Variants in SATB2 observed in about 807,000 individuals in gnomAD.
SATB2 encodes the protein SATB homeobox 2.
SATB2 carries 1 observed loss-of-function variant against 73.4 expected under a neutral mutation model. The ratio of observed to expected loss-of-function variants is 0.01; its 90% CI spans 0.00 to 0.06. The LOEUF is 0.06. Among genes scored for constraint, SATB2 ranks in the 10% least tolerant of loss-of-function variants. SATB2 has a pLI of 1.00. For missense variants in SATB2, 459 were observed against 945.8 expected (o/e 0.49, Z 6.75); for synonymous variants, 397 against 367.0 (o/e 1.08, Z -0.93).
chr2:199,469,495 A>G (rs1156703654), upstream of SATB2: 3 of 151,264 alleles, frequency 2.0e-5, no homozygotes, highest in Non-Finnish European at 2.9e-5. Context: ...CTCAGTACAG[A>G]CAGACCATCA....
intron 5 of SATB2, among the ~76,000 whole-genome samples, chr2:199,369,813 CT>C (rs2105851270): frequency 1.3e-5 from 2 of 152,246 alleles, no homozygotes; most frequent in South Asian, 4.1e-4. Context: ...CCTTCATAAA[CT>C]CCCATTTAAA....
upstream of SATB2, among the ~76,000 whole-genome samples, chr2:199,461,341 T>C (rs1692471903): frequency 6.6e-6 from 1 of 152,250 alleles, no homozygotes; most frequent in African/African-American, 2.4e-5. Flanking sequence ...GACAATAAGA[T>C]ATATTTTAAT....
At chr2:199,316,355 T>C (rs1687735334) in intron 9 of SATB2, among the ~76,000 whole-genome samples, 1 of 152,116 alleles carries the variant, frequency 6.6e-6, no homozygotes, top group African/African-American at 2.4e-5. Context: ...GGAAGGCTTG[T>C]CAAGGGCTTC....
At chr2:199,279,659 C>A (rs1316743111) in intron 10 of SATB2, among the ~76,000 whole-genome samples, 4 of 152,180 alleles carry the variant, frequency 2.6e-5, no homozygotes, top group Non-Finnish European at 4.4e-5. Context: ...CCCAAAGCTT[C>A]AGGTCCTGTA....
Position 199,271,801 on chromosome 2 carries a change from T to C in SATB2, c.*410A>G. On this transcript the variant is annotated 3_prime_UTR_variant, in exon 11 of 11. Transcript: ENST00000417098. ...ATGTAAATATAGAGATATATACATATACATATACACACACACTTGTAGCTT... is the reference window on the plus strand; with the variant it reads ...ATGTAAATATAGAGATATATACATACACATATACACACACACTTGTAGCTT... 3.9e-6 allele frequency: 1 copy of C among 257,078 alleles called. No homozygotes were observed. The highest frequency in any genetic ancestry group is 5.0e-5 in the Admixed American group (1 of 19,900). 15.9% of individuals were successfully genotyped at this position (257,078 alleles called of 1,614,324 possible). A position where few individuals can be genotyped will look rare whatever the true frequency, so the allele number is the denominator to read the frequency against.
intron 7 of SATB2, among the ~76,000 whole-genome samples, chr2:199,335,061 C>A (rs1403308049): frequency 6.6e-6 from 1 of 152,016 alleles, no homozygotes; most frequent in Admixed American, 6.6e-5. Flanking sequence ...CATTGCTTAG[C>A]CACGAAGCCA....
chr2:199,300,035 TG>T (rs1687234548), intron 10 of SATB2, among the ~76,000 whole-genome samples: 2 of 152,194 alleles, frequency 1.3e-5, no homozygotes, highest in South Asian at 4.1e-4. Context: ...CTATTTATTT[TG>T]CCTCTGTCTT....
intron 10 of SATB2, among the ~76,000 whole-genome samples, chr2:199,276,855 G>C (rs906111911): frequency 6.6e-6 from 1 of 152,094 alleles, no homozygotes; most frequent in Non-Finnish European, 1.5e-5. Flanking sequence ...AACCAGAAAT[G>C]AATGCCTATG....
intron 3 of SATB2, among the ~76,000 whole-genome samples, chr2:199,389,389 G>A (rs1325955672): frequency 6.6e-6 from 1 of 152,070 alleles, no homozygotes; most frequent in Non-Finnish European, 1.5e-5. Context: ...CAGCATTTTT[G>A]AGTCATCTTA....
chr2:199,423,265 G>C (rs550049765), intron 3 of SATB2, among the ~76,000 whole-genome samples: 41 of 152,056 alleles, frequency 2.7e-4, no homozygotes, highest in Non-Finnish European at 2.1e-4. Flanking sequence ...GAGACATTAT[G>C]TATTTGGTTC....
At chr2:199,357,796 T>G (rs919052242) in intron 6 of SATB2, among the ~76,000 whole-genome samples, 2 of 152,130 alleles carry the variant, frequency 1.3e-5, no homozygotes, top group Non-Finnish European at 2.9e-5. Flanking sequence ...GTCATCAGCA[T>G]GGACTCCCAC....
intron 2 of SATB2, among the ~76,000 whole-genome samples, chr2:199,448,393 AT>A (rs1486304714): frequency 1.3e-5 from 2 of 152,152 alleles, no homozygotes; most frequent in Non-Finnish European, 2.9e-5. Flanking sequence ...TGCAAAGAAA[AT>A]ATTTTCTTGT....
chr2:199,280,638 G>C (rs1052840281), intron 10 of SATB2, among the ~76,000 whole-genome samples: 2 of 152,100 alleles, frequency 1.3e-5, no homozygotes, highest in African/African-American at 4.8e-5. Flanking sequence ...ACAGCTGTAG[G>C]GATGAAATAA....
chr2:199,334,640 A>C (rs1688284414), intron 7 of SATB2, among the ~76,000 whole-genome samples: 1 of 152,146 alleles, frequency 6.6e-6, no homozygotes, highest in Admixed American at 6.6e-5. Flanking sequence ...TGCTAGCCTT[A>C]ATTTTCACAT....
chr2:199,387,746 A>G (rs1410704272), intron 3 of SATB2, among the ~76,000 whole-genome samples: 3 of 152,246 alleles, frequency 2.0e-5, no homozygotes, highest in African/African-American at 7.2e-5. Context: ...AATCTACTCA[A>G]TGTGTAATGT....
At chr2:199,327,382 A>G (rs1250396961) in intron 8 of SATB2, among the ~76,000 whole-genome samples, 3 of 152,206 alleles carry the variant, frequency 2.0e-5, no homozygotes, top group Non-Finnish European at 4.4e-5. Flanking sequence ...CAGAGGCTGC[A>G]GTAAGCCATG....
intron 9 of SATB2, among the ~76,000 whole-genome samples, chr2:199,314,918 T>C (rs1254568525): frequency 6.6e-6 from 1 of 152,024 alleles, no homozygotes; most frequent in Non-Finnish European, 1.5e-5. Flanking sequence ...TAAGAAGAAG[T>C]TGTTGGGGAA....
At chr2:199,295,289 C>T (rs1055062164) in intron 10 of SATB2, among the ~76,000 whole-genome samples, 2 of 152,048 alleles carry the variant, frequency 1.3e-5, no homozygotes, top group African/African-American at 4.8e-5. Flanking sequence ...TTCTTTCATA[C>T]AATTGTTTTC....
At chr2:199,414,335 G>A (rs974848659) in intron 3 of SATB2, among the ~76,000 whole-genome samples, 1 of 152,122 alleles carries the variant, frequency 6.6e-6, no homozygotes, top group African/African-American at 2.4e-5. Flanking sequence ...TGATAGCCAC[G>A]GTACTTGTGT....
Sources: allele counts gnomAD v4.1 joint callset (sites outside exome capture counted in the v4.1 genomes callset), GRCh38; gene constraint gnomAD v4.1.1; transcripts MANE v1.5; gene names NCBI Gene and HGNC (gene_info 2026-07-23, HGNC 2026-07-21).